CEP128: variants seen among roughly 807,000 people sequenced by gnomAD.
CEP128 encodes centrosomal protein 128kDa.
A neutral mutation model predicts 156.7 loss-of-function variants in CEP128; 132 were observed. The ratio of observed to expected loss-of-function variants is 0.84; its 90% confidence interval spans 0.73 to 0.97. CEP128 has a LOEUF of 0.97. CEP128 is among the 50% of genes least tolerant of loss of function. The probability of loss-of-function intolerance (pLI) is 0.00; values close to 1 mark genes in which losing one functional copy is unlikely to be tolerated. For missense variants in CEP128, 1,252 were observed against 1,281.9 expected, an observed-to-expected ratio of 0.98 and a Z score of 0.36; for synonymous variants, 469 against 448.9, an observed-to-expected ratio of 1.04 and a Z score of -0.57.
At chr14:80,829,520 T>C (rs976302667) in intron 13 of CEP128, among the ~76,000 whole-genome samples, 1 of 152,160 alleles carries the variant, frequency 6.6e-6, no homozygotes, top group African/African-American at 2.4e-5. Context: ...AGCAATCCTT[T>C]CACCTCATCC....
intron 19 of CEP128, among the ~76,000 whole-genome samples, chr14:80,694,688 G>A (rs577126941): frequency 9.3e-5 from 14 of 150,996 alleles, no homozygotes; most frequent in Admixed American, 3.3e-4. Context: ...TCATAAGTGG[G>A]AGTTGAACAA....
At chr14:80,798,710 C>A (rs1021889163) in intron 13 of CEP128, among the ~76,000 whole-genome samples, 6 of 152,166 alleles carry the variant, frequency 3.9e-5, no homozygotes, top group Non-Finnish European at 7.3e-5. Context: ...ACTGCTAAGC[C>A]TGCATTTAAA....
chr14:80,858,743 A>C (rs986140356), intron 9 of CEP128, among the ~76,000 whole-genome samples: 2 of 151,716 alleles, frequency 1.3e-5, no homozygotes, highest in Non-Finnish European at 2.9e-5. Context: ...GAAGGACATG[A>C]ACAGACACTT....
intron 13 of CEP128, among the ~76,000 whole-genome samples, chr14:80,823,397 C>T (rs1210738509): frequency 6.6e-6 from 1 of 152,216 alleles, no homozygotes; most frequent in Non-Finnish European, 1.5e-5. Flanking sequence ...TGTGAAATGT[C>T]AACCCTCACT....
intron 19 of CEP128, among the ~76,000 whole-genome samples, chr14:80,657,364 T>G (rs938496926): frequency 6.6e-6 from 1 of 151,830 alleles, no homozygotes; most frequent in South Asian, 2.1e-4. Flanking sequence ...TTAAAACTTC[T>G]CAGGGGGCTG....
At chr14:80,558,116 C>T (rs914977558) in intron 21 of CEP128, among the ~76,000 whole-genome samples, 1 of 151,992 alleles carries the variant, frequency 6.6e-6, no homozygotes, top group African/African-American at 2.4e-5. Context: ...GTGAGTTTTG[C>T]TTACTCTCTT....
At chr14:80,619,389 C>CACAA (rs1008769189) in intron 19 of CEP128, among the ~76,000 whole-genome samples, 6 of 151,382 alleles carry the variant, frequency 4.0e-5, no homozygotes, top group African/African-American at 1.2e-4. Context: ...CACACACACA[C>CACAA]ACACACACAC....
At chr14:80,523,052 G>A (rs746586731) in intron 23 of CEP128, among the ~76,000 whole-genome samples, 5 of 152,150 alleles carry the variant, frequency 3.3e-5, no homozygotes, top group Non-Finnish European at 7.3e-5. Flanking sequence ...AGAGGAGATG[G>A]CTCTAGCCTT....
chr14:80,528,663 G>A (rs1021711766), intron 22 of CEP128, among the ~76,000 whole-genome samples: 6 of 152,136 alleles, frequency 3.9e-5, no homozygotes, highest in African/African-American at 9.7e-5. Context: ...GATGAGGTCC[G>A]TACTCACACT....
chr14:80,497,654 A>G, intron 24 of CEP128, 72 bp from the exon 25 acceptor site: 1 of 928,526 alleles, frequency 1.1e-6, no homozygotes, highest in African/African-American at 1.7e-5. Flanking sequence ...TTAATTTTGC[A>G]GAAGGTAGTT....
intron 15 of CEP128, among the ~76,000 whole-genome samples, chr14:80,784,683 G>C (rs1182987386): frequency 6.6e-6 from 1 of 152,144 alleles, no homozygotes; most frequent in Non-Finnish European, 1.5e-5. Context: ...TTTATAAAGG[G>C]CTTCAATGCT....
At chr14:80,842,626 T>C (rs1413736528) in intron 9 of CEP128, among the ~76,000 whole-genome samples, 1 of 151,998 alleles carries the variant, frequency 6.6e-6, no homozygotes, top group Non-Finnish European at 1.5e-5. Context: ...CGTGAACTAA[T>C]TTACTACCTT....
intron 19 of CEP128, among the ~76,000 whole-genome samples, chr14:80,614,936 G>A (rs1312844072): frequency 2.6e-5 from 4 of 152,160 alleles, no homozygotes; most frequent in Admixed American, 6.5e-5. Context: ...GTTATCAAAT[G>A]TACAGCTCAA....
At chr14:80,607,397 T>C (rs1892827766) in intron 19 of CEP128, among the ~76,000 whole-genome samples, 1 of 152,052 alleles carries the variant, frequency 6.6e-6, no homozygotes, top group South Asian at 2.1e-4. Context: ...AAAGAAAATA[T>C]AGGCTGAATT....
chr14:80,832,031 T>C (rs549290562), intron 12 of CEP128, among the ~76,000 whole-genome samples: 38 of 152,172 alleles, frequency 2.5e-4, no homozygotes, highest in Non-Finnish European at 4.3e-4. Context: ...GCTCTTTCCA[T>C]GCTGTTCTCA....
chr14:80,514,512 G>A (rs1156472200), intron 23 of CEP128, among the ~76,000 whole-genome samples: 1 of 151,912 alleles, frequency 6.6e-6, no homozygotes, highest in Non-Finnish European at 1.5e-5. Flanking sequence ...GAGTCACTCT[G>A]ATGCATTCTT....
chr14:80,793,101 G>C lies in CEP128; in HGVS notation c.1219C>G (p.Arg407Gly). 6.2e-7 allele frequency: 1 copy of C among 1,608,568 alleles called. No homozygotes were observed. Among genetic ancestry groups the C allele is most frequent in the Non-Finnish European group, 8.5e-7 (1 of 1,175,472 alleles). Residue 407 changes from arginine (R) to glycine (G), a missense_variant, in exon 14 of 25, where the codon CGT (arginine) becomes GGT (glycine). Coordinates refer to ENST00000555265, the MANE Select transcript of CEP128 (RefSeq NM_152446.5). ...TGTTTTTCCCCATTCTCCAGTTCAC[G>C]TGTTAAATTCTACGAATAAAGCATG... ...HLASQVENLT[R>G]ELENGEKQQL...
intron 19 of CEP128, among the ~76,000 whole-genome samples, chr14:80,715,406 C>T (rs1347317225): frequency 6.6e-6 from 1 of 152,122 alleles, no homozygotes; most frequent in Non-Finnish European, 1.5e-5. Flanking sequence ...TTTTCTCGAG[C>T]TCCTGCTATT....
intron 19 of CEP128, among the ~76,000 whole-genome samples, chr14:80,729,560 G>A (rs190887807): frequency 6.6e-6 from 1 of 152,198 alleles, no homozygotes; most frequent in East Asian, 1.9e-4. Context: ...TAGTGAGACT[G>A]CTAGATCAAA....
Sources: gnomAD v4.1 joint callset for allele counts (sites outside exome capture counted in the v4.1 genomes callset) on GRCh38, gnomAD v4.1.1 for gene constraint, MANE v1.5 for transcripts, NCBI Gene and HGNC (gene_info 2026-07-23, HGNC 2026-07-21) for gene names.